A4GALT: variants seen among roughly 807,000 people sequenced by gnomAD.
A4GALT encodes lactosylceramide 4-alpha-galactosyltransferase.
For synonymous variants in A4GALT, 257 were observed against 220.7 expected (o/e 1.16, Z -1.46); for missense variants, 512 against 486.0 (o/e 1.05, Z -0.50).
At chr22:42,697,444 C>A (rs1322495716) in intron 1 of A4GALT, among the ~76,000 whole-genome samples, 1 of 152,100 alleles carries the variant, frequency 6.6e-6, no homozygotes, top group Non-Finnish European at 1.5e-5. Context: ...ATGTGAACCA[C>A]GCGGACGGGT....
intron 1 of A4GALT, among the ~76,000 whole-genome samples, chr22:42,708,474 G>A (rs944760073): frequency 2.0e-5 from 3 of 151,684 alleles, no homozygotes; most frequent in Admixed American, 6.6e-5. Context: ...AGACTGCACT[G>A]AGCCATGATG....
chr22:42,717,668 C>A (rs887460238), intron 1 of A4GALT, among the ~76,000 whole-genome samples: 9 of 152,152 alleles, frequency 5.9e-5, no homozygotes, highest in African/African-American at 2.2e-4. Flanking sequence ...GCAGCCAAGT[C>A]TCCCTCATCA....
rs577427028 is a variant in A4GALT at position 42,711,641 on chromosome 22, T to G, written c.-188+9156A>C. Among the ~76,000 whole-genome samples the G allele has an allele frequency of 3.2e-4, 49 of 151,366 alleles. 1 individual carries two copies. The South Asian group carries it at 6.9e-3, about 21-fold the overall frequency. ...CATATTTTCTGTATTTTGTTTTTTG[T>G]TTTTTTTTCCACCCCCGAGTCTCGC... On this transcript the variant is annotated intron_variant, in intron 1 of 2. Coordinates refer to ENST00000642412, the MANE Select transcript of A4GALT (RefSeq NM_017436.7).
intron 1 of A4GALT, among the ~76,000 whole-genome samples, chr22:42,704,671 C>T (rs1040760335): frequency 6.6e-6 from 1 of 151,916 alleles, no homozygotes; most frequent in Admixed American, 6.6e-5. Flanking sequence ...ACGTTACAAA[C>T]AGAAAACTCA....
chr22:42,716,256 G>A (rs913598972), intron 1 of A4GALT, among the ~76,000 whole-genome samples: 2 of 152,222 alleles, frequency 1.3e-5, no homozygotes, highest in Non-Finnish European at 2.9e-5. Context: ...CGAGTGGGGT[G>A]CATGACCATC....
chr22:42,697,252 G>A (rs1930998743), intron 1 of A4GALT, among the ~76,000 whole-genome samples: 2 of 152,048 alleles, frequency 1.3e-5, no homozygotes, highest in Non-Finnish European at 2.9e-5. Context: ...ACCAATGAGT[G>A]TGTAGATCGC....
intron 1 of A4GALT, among the ~76,000 whole-genome samples, 154 bp downstream of exon 1, chr22:42,720,643 A>C (rs993824480): frequency 3.3e-5 from 5 of 151,964 alleles, no homozygotes; most frequent in Admixed American, 1.3e-4. Context: ...GTGCGCGCAC[A>C]AATGTCGCCT....
intron 1 of A4GALT, among the ~76,000 whole-genome samples, chr22:42,711,212 G>A (rs1019024529): frequency 6.6e-6 from 1 of 152,082 alleles, no homozygotes; most frequent in Non-Finnish European, 1.5e-5. Context: ...CTAGAGCAAG[G>A]ATCTTTTTAT....
intron 1 of A4GALT, among the ~76,000 whole-genome samples, chr22:42,702,356 T>TCCC (rs1289422264): frequency 6.8e-6 from 1 of 146,782 alleles, no homozygotes; most frequent in African/African-American, 2.5e-5. Context: ...TTTTTTTTTT[T>TCCC]CACAGATGGA....
intron 1 of A4GALT, among the ~76,000 whole-genome samples, chr22:42,711,630 TTTG>T (rs930311672): frequency 6.6e-6 from 1 of 152,072 alleles, no homozygotes; most frequent in Non-Finnish European, 1.5e-5. Flanking sequence ...TTTTCTGTAT[TTTG>T]TTTTTTGTTT....
intron 1 of A4GALT, among the ~76,000 whole-genome samples, chr22:42,696,427 G>GAA (rs59139000): frequency 0.19 from 23,237 of 121,966 alleles, 2,357 homozygotes; most frequent in East Asian, 0.56. Context: ...TTTCAAAAAG[G>GAA]AAAAAAAAAA....
intron 1 of A4GALT, among the ~76,000 whole-genome samples, chr22:42,707,161 A>C (rs1387934303): frequency 2.6e-5 from 4 of 152,200 alleles, no homozygotes; most frequent in Non-Finnish European, 5.9e-5. Context: ...CCCTAGTGAT[A>C]GATACTGTGC....
intron 1 of A4GALT, among the ~76,000 whole-genome samples, chr22:42,698,667 G>A (rs953100146): frequency 6.6e-6 from 1 of 152,214 alleles, no homozygotes; most frequent in Non-Finnish European, 1.5e-5. Flanking sequence ...TGTCAGAGGC[G>A]TGTGAGCCAG....
chr22:42,696,225 A>T (rs778411213), intron 1 of A4GALT, among the ~76,000 whole-genome samples: 11 of 151,236 alleles, frequency 7.3e-5, no homozygotes, highest in Non-Finnish European at 1.5e-4. Flanking sequence ...ATTCGAGAAC[A>T]GCCTGACCAA....
At chr22:42,717,626 C>G (rs952300582) in intron 1 of A4GALT, among the ~76,000 whole-genome samples, 27 of 152,138 alleles carry the variant, frequency 1.8e-4, no homozygotes, top group African/African-American at 6.5e-4. Flanking sequence ...GAGCTGAGCT[C>G]TCTCTTCTAG....
At position 42,692,359 on chromosome 22, in the gene A4GALT, G is replaced by C; in HGVS notation, c.*531C>G. ...CCCAGGCTGGCACTTCTGGGCCTCTGCCCCACTCAGTCCCTGTTGACCTCC... is the reference window on the plus strand; with the variant it reads ...CCCAGGCTGGCACTTCTGGGCCTCTCCCCCACTCAGTCCCTGTTGACCTCC... On this transcript the variant is annotated 3_prime_UTR_variant, in exon 3 of 3. Transcript: ENST00000642412. The surrounding 1 kb of genome is among the most constrained non-coding windows in gnomAD (Gnocchi z 4.6). 1.1e-5 allele frequency: 3 copies of C among 285,130 alleles called. No homozygotes were observed. The highest frequency in any genetic ancestry group is 9.3e-5 in the East Asian group (1 of 10,726). 17.7% of individuals were successfully genotyped at this position (285,130 alleles called of 1,614,324 possible).
At chr22:42,719,175 T>G (rs933742883) in intron 1 of A4GALT, among the ~76,000 whole-genome samples, 11 of 152,204 alleles carry the variant, frequency 7.2e-5, no homozygotes, top group Non-Finnish European at 1.2e-4. Flanking sequence ...AGGGCTTCAA[T>G]TAGTACAAGG....
intron 1 of A4GALT, among the ~76,000 whole-genome samples, chr22:42,711,251 CAGAT>C (rs1921666972): frequency 6.6e-6 from 1 of 152,192 alleles, no homozygotes; most frequent in African/African-American, 2.4e-5. Context: ...TGGACATACT[CAGAT>C]AGCATCTCTC....
chr22:42,720,527 A>C (rs2147062100), intron 1 of A4GALT, among the ~76,000 whole-genome samples: 1 of 152,124 alleles, frequency 6.6e-6, no homozygotes, highest in East Asian at 1.9e-4. Flanking sequence ...CTCCGGAGCC[A>C]GGCGCGTCCT....
Sources: gnomAD v4.1 joint callset for allele counts (sites outside exome capture counted in the v4.1 genomes callset) on GRCh38, gnomAD v4.1.1 for gene constraint, Gnocchi (gnomAD v3.1) non-coding constraint, MANE v1.5 for transcripts, NCBI Gene and HGNC (gene_info 2026-07-23, HGNC 2026-07-21) for gene names.